Variants in NTRK2 observed in about 807,000 individuals in gnomAD.
NTRK2 encodes neurotrophic receptor tyrosine kinase 2.
In NTRK2, 13 loss-of-function variants were observed where a neutral mutation model predicts 94.5. That is an observed-to-expected ratio of 0.14 (90% CI 0.09 to 0.22). The LOEUF (loss-of-function observed/expected upper bound fraction) is 0.22. NTRK2 is among the 10% of genes least tolerant of loss of function. The probability of loss-of-function intolerance (pLI) is 1.00; values close to 1 mark genes in which losing one functional copy is unlikely to be tolerated. For missense variants in NTRK2, 639 were observed against 1,071.2 expected (o/e 0.60, Z 5.63); for synonymous variants, 372 against 407.4 (o/e 0.91, Z 1.05).
At chr9:84,833,185 G>A (rs1441561412) in intron 12 of NTRK2, among the ~76,000 whole-genome samples, 2 of 152,124 alleles carry the variant, frequency 1.3e-5, no homozygotes, top group African/African-American at 4.8e-5. Flanking sequence ...TGCACACTAA[G>A]GTCTGACAGC....
rs564278577 is a variant in NTRK2, at chr9:84,858,372, G to A, written c.1397-2668G>A. On this transcript the variant is annotated intron_variant, in intron 12 of 18. Coordinates refer to ENST00000277120, the MANE Select transcript of NTRK2 (RefSeq NM_006180.6). ...TTGTTGTTTTTTTGCCTAACTGTGCGATTTTCACTATAATATCCAAACTCT... is the reference window on the plus strand; with the variant it reads ...TTGTTGTTTTTTTGCCTAACTGTGCAATTTTCACTATAATATCCAAACTCT... 5.3e-5 allele frequency among the ~76,000 whole-genome samples: 8 copies of A among 151,622 alleles called. 1 individual carries two copies. Among genetic ancestry groups the A allele is most frequent in the African/African-American group, 1.9e-4 (8 of 41,294 alleles).
Position 84,723,723 on chromosome 9 carries a change from T to G in NTRK2, c.720+14T>G, listed in dbSNP as rs1024233317. ...TCCAAACATATGGTAAGGCTTGTGTTTGGCTGTGTCTTAATAGAGAGACAA... is the reference window on the plus strand; with the variant it reads ...TCCAAACATATGGTAAGGCTTGTGTGTGGCTGTGTCTTAATAGAGAGACAA... On this transcript the variant is annotated intron_variant, in intron 7 of 18. Coordinates refer to ENST00000277120, the MANE Select transcript of NTRK2 (RefSeq NM_006180.6). 5.0e-6 allele frequency: 8 copies of G among 1,613,968 alleles called. No homozygotes were observed. The highest frequency in any genetic ancestry group is 1.7e-5 in the Admixed American group (1 of 60,010).
intron 12 of NTRK2, among the ~76,000 whole-genome samples, chr9:84,781,706 A>G (rs1234617974): frequency 6.6e-6 from 1 of 152,218 alleles, no homozygotes; most frequent in Non-Finnish European, 1.5e-5. Context: ...GTAATGATGG[A>G]ACAATGTAGG....
intron 12 of NTRK2, among the ~76,000 whole-genome samples, chr9:84,782,279 G>C (rs2067665135): frequency 6.6e-6 from 1 of 152,140 alleles, no homozygotes; most frequent in South Asian, 2.1e-4. Flanking sequence ...TTTCTAATCT[G>C]AACATACTTG....
intron 17 of NTRK2, among the ~76,000 whole-genome samples, chr9:84,970,902 A>G (rs2133134287): frequency 6.6e-6 from 1 of 152,310 alleles, no homozygotes; most frequent in South Asian, 2.1e-4. Context: ...AAGTTTAGTG[A>G]TCAGTTGTTT....
chr9:84,943,422 TG>T (rs1390181252), intron 15 of NTRK2, among the ~76,000 whole-genome samples: 2 of 152,214 alleles, frequency 1.3e-5, no homozygotes, highest in Non-Finnish European at 2.9e-5. Flanking sequence ...TTCATGCTAG[TG>T]CATTATTTCC....
chr9:84,820,169 C>CTTTCT (rs1266986619), intron 12 of NTRK2, among the ~76,000 whole-genome samples: 115 of 132,518 alleles, frequency 8.7e-4, no homozygotes, highest in African/African-American at 3.1e-3. Flanking sequence ...TTCTTTCTTT[C>CTTTCT]TTTTTTTTTT....
At chr9:84,708,011 A>G (rs181544934) in intron 5 of NTRK2, 99 bp downstream of exon 5, 8 of 929,188 alleles carry the variant, frequency 8.6e-6, no homozygotes, top group African/African-American at 3.2e-5. Context: ...ATCTATTTTT[A>G]TACCAAATTC....
intron 14 of NTRK2, chr9:84,873,334 T>C: frequency 9.4e-7 from 1 of 1,058,476 alleles, no homozygotes; most frequent in Non-Finnish European, 1.1e-6. Context: ...GCTAAGTCCA[T>C]TCTGCCCAGC....
chr9:84,818,884 G>A (rs1001360183), intron 12 of NTRK2, among the ~76,000 whole-genome samples: 1 of 152,184 alleles, frequency 6.6e-6, no homozygotes, highest in Non-Finnish European at 1.5e-5. Context: ...GCTGTTCCTT[G>A]CCTTTCGAAC....
intron 12 of NTRK2, among the ~76,000 whole-genome samples, chr9:84,791,461 C>T (rs1435967497): frequency 2.0e-5 from 3 of 152,048 alleles, no homozygotes; most frequent in Admixed American, 6.6e-5. Context: ...TAACAGAACC[C>T]GCAGTGGTAA....
intron 14 of NTRK2, among the ~76,000 whole-genome samples, chr9:84,917,653 AGCAG>A (rs1459736081): frequency 6.6e-6 from 1 of 152,174 alleles, no homozygotes; most frequent in Admixed American, 6.5e-5. Context: ...TTTTTCCAAG[AGCAG>A]GCAGCCTACT....
intron 12 of NTRK2, among the ~76,000 whole-genome samples, chr9:84,797,344 C>A (rs1464232369): frequency 1.3e-5 from 2 of 151,032 alleles, no homozygotes; most frequent in South Asian, 2.1e-4. Context: ...AATGGAATGA[C>A]CTGAAAATTT....
intron 17 of NTRK2, among the ~76,000 whole-genome samples, chr9:84,961,018 C>T (rs1004028123): frequency 6.6e-6 from 1 of 152,158 alleles, no homozygotes; most frequent in African/African-American, 2.4e-5. Flanking sequence ...GGAGTGTTGA[C>T]TTCAAGAAGT....
At chr9:84,688,024 C>G (rs1045780160) in intron 2 of NTRK2, among the ~76,000 whole-genome samples, 2 of 152,170 alleles carry the variant, frequency 1.3e-5, no homozygotes, top group African/African-American at 4.8e-5. Flanking sequence ...CACTGCTGTA[C>G]CTGGTGTGTG....
At chr9:84,758,609 T>A (rs1160045512) in intron 12 of NTRK2, among the ~76,000 whole-genome samples, 1 of 152,204 alleles carries the variant, frequency 6.6e-6, no homozygotes, top group Non-Finnish European at 1.5e-5. Flanking sequence ...CAGGCTAGTC[T>A]CAAACTCCCG....
chr9:84,899,766 CAA>C (rs1368503011), intron 14 of NTRK2, among the ~76,000 whole-genome samples: 8 of 152,092 alleles, frequency 5.3e-5, no homozygotes, highest in African/African-American at 1.9e-4. Flanking sequence ...AGAACAGAGA[CAA>C]GAGTGAAGAA....
chr9:84,771,841 C>G (rs2066576262), intron 12 of NTRK2, among the ~76,000 whole-genome samples: 1 of 152,198 alleles, frequency 6.6e-6, no homozygotes, highest in Non-Finnish European at 1.5e-5. Context: ...TCCTGTTAAT[C>G]TTCCCACTAA....
At chr9:84,826,945 T>C (rs2131626397) in intron 12 of NTRK2, among the ~76,000 whole-genome samples, 1 of 152,270 alleles carries the variant, frequency 6.6e-6, no homozygotes, top group Middle Eastern at 3.4e-3. Flanking sequence ...CTATCAGAAG[T>C]ATTTGCTTTG....
Sources: allele counts gnomAD v4.1 joint callset (sites outside exome capture counted in the v4.1 genomes callset), GRCh38; gene constraint gnomAD v4.1.1; transcripts MANE v1.5; gene names NCBI Gene and HGNC (gene_info 2026-07-23, HGNC 2026-07-21).